TRIM37: variants seen among roughly 807,000 people sequenced by gnomAD.
TRIM37 encodes tripartite motif containing 37.
TRIM37 carries 80 observed loss-of-function variants against 129.8 expected under a neutral mutation model. The observed-to-expected ratio is 0.62, with a 90% CI of 0.51 to 0.74. The LOEUF (loss-of-function observed/expected upper bound fraction) is 0.74. Among genes scored for constraint, TRIM37 ranks in the 30% least tolerant of loss-of-function variants. The pLI is 0.00. For missense variants in TRIM37, 1,054 were observed against 1,176.5 expected (o/e 0.90, Z 1.52); for synonymous variants, 389 against 387.1 (o/e 1.00, Z -0.06).
intron 7 of TRIM37, among the ~76,000 whole-genome samples, chr17:59,077,671 G>A (rs1405547250): frequency 2.0e-5 from 3 of 151,932 alleles, no homozygotes; most frequent in East Asian, 1.9e-4. Context: ...TTAGCAGGGC[G>A]TGGTGGCACG....
chr17:59,078,107 A>AG (rs1346823186), intron 7 of TRIM37, among the ~76,000 whole-genome samples: 2 of 152,144 alleles, frequency 1.3e-5, no homozygotes, highest in Non-Finnish European at 2.9e-5. Flanking sequence ...CCTGAATGAC[A>AG]GAGCGAGACT....
chr17:59,004,479 C>G (rs972792359), intron 22 of TRIM37, among the ~76,000 whole-genome samples: 3 of 151,312 alleles, frequency 2.0e-5, no homozygotes, highest in African/African-American at 7.3e-5. Context: ...AGCAGAAAAA[C>G]AAAAAAACCA....
downstream of TRIM37, among the ~76,000 whole-genome samples, chr17:58,996,139 C>T (rs146439252): frequency 6.6e-6 from 1 of 152,120 alleles, no homozygotes; most frequent in East Asian, 1.9e-4. Context: ...CCATCTTAAC[C>T]AAGTAATCTC....
chr17:59,044,294 G>T (rs966613338), intron 16 of TRIM37, among the ~76,000 whole-genome samples: 3 of 152,022 alleles, frequency 2.0e-5, no homozygotes, highest in African/African-American at 7.2e-5. Flanking sequence ...TGGGTGACAG[G>T]GCAAGACCCC....
At chr17:59,046,540 G>GTT (rs772227639) in intron 16 of TRIM37, among the ~76,000 whole-genome samples, 50 of 131,830 alleles carry the variant, frequency 3.8e-4, no homozygotes, top group Non-Finnish European at 4.0e-4. Flanking sequence ...ATGAAAAACA[G>GTT]TTTTTTTTTT....
At chr17:58,976,591 GA>G in the TRIM37 span, among the ~76,000 whole-genome samples, 1 of 152,194 alleles carries the variant, frequency 6.6e-6, no homozygotes, top group Admixed American at 6.5e-5. Context: ...AAAGTTGACA[GA>G]GGCATGATAT....
chr17:59,093,134 A>C (rs1385558255), intron 2 of TRIM37, among the ~76,000 whole-genome samples: 1 of 152,208 alleles, frequency 6.6e-6, no homozygotes, highest in Admixed American at 6.5e-5. Context: ...TGTGTAACAG[A>C]GCATGATTCT....
chr17:58,999,258 T>C lies in TRIM37; in HGVS notation c.*119A>G. On this transcript the variant is annotated 3_prime_UTR_variant, in exon 24 of 24. Coordinates refer to ENST00000262294, the MANE Select transcript of TRIM37 (RefSeq NM_015294.6). ...ACAGTTTCCAAATTACTATTTCAGG[T>C]CGAGATAATGAAGAAATAAGACCAA... 1 of 1,599,706 alleles carries C rather than the reference T, an allele frequency of 6.3e-7. No individual in the cohort carries two copies. The highest frequency in any genetic ancestry group is 8.5e-7 in the Non-Finnish European group (1 of 1,173,994).
intron 7 of TRIM37, among the ~76,000 whole-genome samples, chr17:59,076,438 G>A (rs535440911): frequency 6.6e-6 from 1 of 152,344 alleles, no homozygotes; most frequent in South Asian, 2.1e-4. Flanking sequence ...TTACTCAAGA[G>A]GCTGAGGCAT....
At chr17:59,098,849 C>T (rs1262742567) in intron 2 of TRIM37, among the ~76,000 whole-genome samples, 1 of 151,860 alleles carries the variant, frequency 6.6e-6, no homozygotes, top group Admixed American at 6.6e-5. Flanking sequence ...TATCCAATAT[C>T]CAAAAAGTGA....
At chr17:58,972,842 A>G in the TRIM37 span, 1 of 1,612,830 alleles carries the variant, frequency 6.2e-7, no homozygotes. Context: ...GATGAAAAGC[A>G]GAGAATTGAG....
At chr17:59,055,221 A>G (rs1474730026) in intron 13 of TRIM37, among the ~76,000 whole-genome samples, 1 of 149,700 alleles carries the variant, frequency 6.7e-6, no homozygotes, top group Non-Finnish European at 1.5e-5. Context: ...CTGCAATCCC[A>G]TCTACTCGGG....
chr17:59,030,078 A>G (rs896669370), intron 18 of TRIM37, among the ~76,000 whole-genome samples: 1 of 151,988 alleles, frequency 6.6e-6, no homozygotes. Flanking sequence ...ATTATCCAGT[A>G]TCACCTCCAG....
chr17:59,075,359 C>T (rs906138979), intron 8 of TRIM37, among the ~76,000 whole-genome samples: 4 of 151,760 alleles, frequency 2.6e-5, no homozygotes, highest in African/African-American at 4.8e-5. Flanking sequence ...GTCAGGAGAT[C>T]GAGACCATCC....
downstream of TRIM37, among the ~76,000 whole-genome samples, chr17:58,997,211 A>ACAT: frequency 6.6e-6 from 1 of 152,352 alleles, no homozygotes; most frequent in Middle Eastern, 3.4e-3. Context: ...GTGATTATGT[A>ACAT]AGGCATTAAC....
At chr17:59,025,932 G>A (rs1047341050) in intron 19 of TRIM37, among the ~76,000 whole-genome samples, 3 of 151,946 alleles carry the variant, frequency 2.0e-5, no homozygotes, top group Non-Finnish European at 4.4e-5. Context: ...TTATGTTAAT[G>A]GCCTATTCAT....
chr17:59,079,703 T>C, intron 7 of TRIM37, 51 bp downstream of exon 7: 8 of 1,611,110 alleles, frequency 5.0e-6, no homozygotes, highest in Non-Finnish European at 6.8e-6. Context: ...AGACTGAATC[T>C]CAAAGAAGCT....
At chr17:59,031,711 C>T (rs1803372067) in intron 18 of TRIM37, among the ~76,000 whole-genome samples, 185 bp downstream of exon 18, 1 of 152,178 alleles carries the variant, frequency 6.6e-6, no homozygotes, top group Admixed American at 6.6e-5. Flanking sequence ...TGTTTTTGCA[C>T]AAATCACCTT....
intron 17 of TRIM37, among the ~76,000 whole-genome samples, chr17:59,033,557 C>T (rs904489650): frequency 6.6e-6 from 1 of 151,982 alleles, no homozygotes; most frequent in African/African-American, 2.4e-5. Flanking sequence ...CTCAGCCTCC[C>T]GTAGTGGGGA....
Sources: allele counts gnomAD v4.1 joint callset (sites outside exome capture counted in the v4.1 genomes callset), GRCh38; gene constraint gnomAD v4.1.1; transcripts MANE v1.5; gene names NCBI Gene and HGNC (gene_info 2026-07-23, HGNC 2026-07-21).